TTC27: variants seen among roughly 807,000 people sequenced by gnomAD.
TTC27 encodes the protein tetratricopeptide repeat domain 27.
Under a neutral mutation model 115.9 loss-of-function variants are expected in TTC27, and 79 were observed. The ratio of observed to expected loss-of-function variants is 0.68; its 90% CI spans 0.57 to 0.82. TTC27 has a LOEUF of 0.82. Ranked by LOEUF, TTC27 falls within the 40% of genes least tolerant of loss-of-function variation. TTC27 has a pLI of 0.00. For synonymous variants in TTC27, 401 were observed against 356.0 expected (o/e 1.13, Z -1.42); for missense variants, 1,054 against 993.1 (o/e 1.06, Z -0.82).
intron 9 of TTC27, 48 bp downstream of exon 9, chr2:32,678,970 T>A (rs751137100): frequency 2.0e-6 from 3 of 1,507,844 alleles, no homozygotes; most frequent in South Asian, 2.3e-5. Flanking sequence ...CCTGGTAAAT[T>A]ACTTCCTCTG....
chr2:32,820,754 CTATT>C, intron 19 of TTC27, 58 bp from the exon 20 acceptor site: 1 of 1,433,772 alleles, frequency 7.0e-7, no homozygotes, highest in Non-Finnish European at 9.3e-7. Flanking sequence ...TACTCTGTAT[CTATT>C]TTATTTTAAA....
intron 13 of TTC27, among the ~76,000 whole-genome samples, chr2:32,777,105 G>C (rs1193922873): frequency 6.6e-6 from 1 of 152,188 alleles, no homozygotes; most frequent in Non-Finnish European, 1.5e-5. Context: ...TCCAGATTCT[G>C]AACCTCCTTT....
intron 9 of TTC27, among the ~76,000 whole-genome samples, chr2:32,698,116 A>G (rs891728505): frequency 2.0e-5 from 3 of 152,128 alleles, no homozygotes; most frequent in Non-Finnish European, 4.4e-5. Context: ...ATTACTTGCC[A>G]TGAAGCAAAT....
chr2:32,807,571 A>C (rs756333234), intron 16 of TTC27, among the ~76,000 whole-genome samples: 16 of 152,246 alleles, frequency 1.1e-4, no homozygotes, highest in Non-Finnish European at 2.1e-4. Flanking sequence ...TTAAACAAAT[A>C]CACTAAATGC....
rs373530286 is a variant in TTC27, at chr2:32,729,835, A to G, written c.1234-3993A>G. On this transcript the variant is annotated intron_variant, in intron 10 of 19. Coordinates refer to ENST00000317907, the MANE Select transcript of TTC27 (RefSeq NM_017735.5). ...TCTTCTCCCCCTGTCTCCATTTTTG[A>G]CATTATCATCTTTCCTTAAAGACCA... Among the ~76,000 whole-genome samples, 6 of 152,104 alleles carry G rather than the reference A, an allele frequency of 3.9e-5. No individual in the cohort carries two copies. In the South Asian group the frequency reaches 6.2e-4, roughly 16 times the overall value.
At chr2:32,799,870 A>C (rs1325413405) in intron 16 of TTC27, among the ~76,000 whole-genome samples, 2 of 152,234 alleles carry the variant, frequency 1.3e-5, no homozygotes, top group East Asian at 3.8e-4. Flanking sequence ...GTTTAGGACC[A>C]AAAGCTTGAA....
At position 32,677,643 on chromosome 2, in the gene TTC27, G is replaced by C. The variant is rs1395154991; in HGVS notation, c.1053-1213G>C. The stretch of plus-strand genomic sequence containing the variant: ...TTTTTGTATTTTTAGTAGAGATGTG[G>C]TTTTACCATGTTGGCCAGGATGGTC... On this transcript the variant is annotated intron_variant, in intron 8 of 19. Transcript: ENST00000317907. Among the ~76,000 whole-genome samples the C allele has an allele frequency of 3.9e-5, 6 of 151,958 alleles. No individual in the cohort carries two copies. The East Asian group carries it at 9.7e-4, about 25-fold the overall frequency.
chr2:32,649,613 C>T (rs1039477770), intron 4 of TTC27, among the ~76,000 whole-genome samples: 2 of 150,960 alleles, frequency 1.3e-5, no homozygotes, highest in Non-Finnish European at 2.9e-5. Context: ...GGTGCATCCT[C>T]GGCTCACTGC....
chr2:32,637,025 A>G (rs528495465), intron 3 of TTC27, among the ~76,000 whole-genome samples: 2 of 152,316 alleles, frequency 1.3e-5, no homozygotes, highest in Admixed American at 1.3e-4. Flanking sequence ...ACTTTGACTA[A>G]GTCTTTGATT....
intron 13 of TTC27, among the ~76,000 whole-genome samples, chr2:32,769,598 G>C (rs1488434154): frequency 6.6e-6 from 1 of 152,142 alleles, no homozygotes; most frequent in Non-Finnish European, 1.5e-5. Context: ...ATATTGTAAG[G>C]AGAGAGGGGA....
chr2:32,633,730 A>AT (rs958371639), intron 2 of TTC27, 146 bp from the exon 3 acceptor site: 16,941 of 791,968 alleles, frequency 0.021, no homozygotes, highest in East Asian at 0.024. Context: ...AGTTTTAGAA[A>AT]TTTTTTTTTT....
chr2:32,641,600 A>G (rs1269570690), intron 4 of TTC27, among the ~76,000 whole-genome samples: 1 of 152,224 alleles, frequency 6.6e-6, no homozygotes, highest in African/African-American at 2.4e-5. Context: ...TGCAGACCCC[A>G]TAGTGTCAGA....
Position 32,812,322 on chromosome 2 carries a change from C to T in TTC27, c.2197-182C>T, listed in dbSNP as rs557602321. On this transcript the variant is annotated intron_variant, in intron 17 of 19. Transcript: ENST00000317907. ...GGTACATCCATTTGATTTCTTGCCACGGCTTGTTGCCGTTGGGTGTGCATT... is the reference window on the plus strand; with the variant it reads ...GGTACATCCATTTGATTTCTTGCCATGGCTTGTTGCCGTTGGGTGTGCATT... Among the ~76,000 whole-genome samples the T allele has an allele frequency of 4.1e-4, 62 of 152,304 alleles. 1 individual carries two copies. The South Asian group carries it at 7.9e-3, about 19-fold the overall frequency.
intron 10 of TTC27, among the ~76,000 whole-genome samples, chr2:32,711,715 G>C (rs1166597834): frequency 1.3e-5 from 2 of 152,036 alleles, no homozygotes; most frequent in Non-Finnish European, 2.9e-5. Context: ...TGAGGTGTGT[G>C]GATCACCTGA....
At chr2:32,708,815 T>C (rs1288802974) in intron 10 of TTC27, among the ~76,000 whole-genome samples, 2 of 152,092 alleles carry the variant, frequency 1.3e-5, no homozygotes, top group African/African-American at 2.4e-5. Flanking sequence ...TAACCAGAAA[T>C]AGAAACTAAG....
intron 16 of TTC27, among the ~76,000 whole-genome samples, chr2:32,791,583 G>C (rs1670537514): frequency 6.6e-6 from 1 of 152,170 alleles, no homozygotes; most frequent in African/African-American, 2.4e-5. Context: ...TCACAGGTAG[G>C]CATGTCTTAT....
chr2:32,669,125 A>T (rs1299811891), intron 7 of TTC27, among the ~76,000 whole-genome samples: 2 of 152,076 alleles, frequency 1.3e-5, no homozygotes, highest in African/African-American at 4.8e-5. Flanking sequence ...TTACCTGTTT[A>T]TCTATTTAGA....
chr2:32,722,575 C>T (rs774334633), intron 10 of TTC27, among the ~76,000 whole-genome samples: 4 of 152,284 alleles, frequency 2.6e-5, no homozygotes, highest in South Asian at 2.1e-4. Context: ...AACTAGAGTT[C>T]ACCCCAGGTC....
intron 9 of TTC27, among the ~76,000 whole-genome samples, chr2:32,691,749 C>A (rs574918100): frequency 2.6e-5 from 4 of 151,512 alleles, no homozygotes; most frequent in Admixed American, 6.6e-5. Flanking sequence ...TTCACATTCA[C>A]AACAGTCATA....
Sources: allele counts gnomAD v4.1 joint callset (sites outside exome capture counted in the v4.1 genomes callset), GRCh38; gene constraint gnomAD v4.1.1; transcripts MANE v1.5; gene names NCBI Gene and HGNC (gene_info 2026-07-23, HGNC 2026-07-21).